YJU2B: variants seen among roughly 807,000 people sequenced by gnomAD.
YJU2B encodes YJU2 splicing factor homolog B.
Under a neutral mutation model 38.0 loss-of-function variants are expected in YJU2B, and 18 were observed. That is an observed-to-expected ratio of 0.47 (90% CI 0.33 to 0.70). The LOEUF (loss-of-function observed/expected upper bound fraction) is 0.70, where lower values mean the gene tolerates loss of function less well. Among genes scored for constraint, YJU2B ranks in the 30% least tolerant of loss-of-function variants. YJU2B has a pLI of 0.02. For synonymous variants in YJU2B, 246 were observed against 225.4 expected, an observed-to-expected ratio of 1.09 and a Z score of -0.82; for missense variants, 538 against 556.3, an observed-to-expected ratio of 0.97 and a Z score of 0.33.
chr19:13,761,016 A>C (rs404195), intron 8 of YJU2B, among the ~76,000 whole-genome samples: 1 of 151,594 alleles, frequency 6.6e-6, no homozygotes, highest in Non-Finnish European at 1.5e-5. Context: ...TGATCCACCC[A>C]CCTCAACCTC....
At chr19:13,760,792 G>C (rs145000128) in intron 8 of YJU2B, among the ~76,000 whole-genome samples, 1 of 151,962 alleles carries the variant, frequency 6.6e-6, no homozygotes, top group East Asian at 2.0e-4. Flanking sequence ...TTTTTGCTTA[G>C]ACTGAGTCTC....
chr19:13,757,565 C>A, intron 5 of YJU2B, 92 bp downstream of exon 5: 1 of 1,250,320 alleles, frequency 8.0e-7, no homozygotes, highest in Non-Finnish European at 1.2e-6. Context: ...GGGTCCTGAT[C>A]AGGAATGAGG....
At chr19:13,755,814 C>T (rs373488257) in intron 3 of YJU2B, among the ~76,000 whole-genome samples, 3 of 151,736 alleles carry the variant, frequency 2.0e-5, no homozygotes, top group Admixed American at 1.3e-4. Context: ...AAAAAATAGC[C>T]GGGCGTGGTG....
At chr19:13,743,593 AAAAG>A (rs1202639301), upstream of YJU2B, among the ~76,000 whole-genome samples, 1 of 143,316 alleles carries the variant, frequency 7.0e-6, no homozygotes, top group Non-Finnish European at 1.5e-5. Flanking sequence ...AAAAAAAAGA[AAAAG>A]AAAAAAATAG....
intron 2 of YJU2B, among the ~76,000 whole-genome samples, chr19:13,739,781 C>A (rs1324099944): frequency 6.6e-6 from 1 of 152,086 alleles, no homozygotes; most frequent in Non-Finnish European, 1.5e-5. Flanking sequence ...GCAGAACGTG[C>A]AGGTTTGTTA....
intron 8 of YJU2B, chr19:13,759,529 C>G (rs546078000): frequency 5.4e-6 from 2 of 371,620 alleles, no homozygotes; most frequent in African/African-American, 4.2e-5. Flanking sequence ...TTGGGAGGAT[C>G]GCTTGAGGCC....
At chr19:13,739,074 A>C (rs1973028953) in intron 2 of YJU2B, among the ~76,000 whole-genome samples, 2 of 152,044 alleles carry the variant, frequency 1.3e-5, no homozygotes, top group Admixed American at 6.6e-5. Flanking sequence ...TAAATAAATA[A>C]ATAAACAAAC....
intron 2 of YJU2B, among the ~76,000 whole-genome samples, chr19:13,752,634 C>T (rs1021157303): frequency 6.6e-6 from 1 of 152,106 alleles, no homozygotes; most frequent in Non-Finnish European, 1.5e-5. Flanking sequence ...GTCCCAGCCA[C>T]TCTGGAGGGT....
intron 5 of YJU2B, 114 bp downstream of exon 5, chr19:13,757,587 C>A: frequency 2.6e-6 from 3 of 1,136,330 alleles, no homozygotes; most frequent in South Asian, 1.3e-5. Context: ...AGGAGACGGG[C>A]ACCCGAGTGA....
chr19:13,757,272 G>T (rs1382782851), intron 4 of YJU2B, 146 bp from the exon 5 acceptor site: 7 of 633,032 alleles, frequency 1.1e-5, no homozygotes, highest in Non-Finnish European at 1.7e-5. Context: ...TCCATTTCCT[G>T]TGTAATGTGA....
At chr19:13,733,498 G>C (rs1375891832) in intron 2 of YJU2B, among the ~76,000 whole-genome samples, 1 of 152,090 alleles carries the variant, frequency 6.6e-6, no homozygotes, top group African/African-American at 2.4e-5. Flanking sequence ...GAGGTGGGTA[G>C]ATCACCTGAG....
At chr19:13,744,456 A>G (rs1209261158), upstream of YJU2B, among the ~76,000 whole-genome samples, 3 of 152,232 alleles carry the variant, frequency 2.0e-5, no homozygotes, top group African/African-American at 7.2e-5. Flanking sequence ...AGGGAAACCA[A>G]ACATCTCTGG....
chr19:13,757,022 T>C (rs1973691999), intron 4 of YJU2B, among the ~76,000 whole-genome samples: 1 of 150,516 alleles, frequency 6.6e-6, no homozygotes. Flanking sequence ...ACACCTATAA[T>C]CCCAGCTACT....
At chr19:13,760,424 A>C (rs1323243502) in intron 8 of YJU2B, among the ~76,000 whole-genome samples, 1 of 152,094 alleles carries the variant, frequency 6.6e-6, no homozygotes, top group African/African-American at 2.4e-5. Context: ...GTGAGGACGT[A>C]GCCCTTCTGA....
At chr19:13,745,722 G>T (rs866609844), upstream of YJU2B, among the ~76,000 whole-genome samples, 113 of 89,666 alleles carry the variant, frequency 1.3e-3, no homozygotes, top group African/African-American at 5.0e-3. Context: ...TAGATCTATA[G>T]ATATCTATAT....
intron 2 of YJU2B, among the ~76,000 whole-genome samples, chr19:13,752,861 C>G (rs1973522281): frequency 6.7e-6 from 1 of 150,032 alleles, no homozygotes; most frequent in Non-Finnish European, 1.5e-5. Flanking sequence ...TGCAGTGAGC[C>G]AAGATTGCAC....
chr19:13,744,378 T>C (rs1463988659), upstream of YJU2B, among the ~76,000 whole-genome samples: 1 of 152,182 alleles, frequency 6.6e-6, no homozygotes, highest in Admixed American at 6.6e-5. Flanking sequence ...TTCCCCCTTA[T>C]CTGGGGTTTC....
chr19:13,745,159 G>C (rs928439723), upstream of YJU2B, among the ~76,000 whole-genome samples: 27 of 152,144 alleles, frequency 1.8e-4, no homozygotes, highest in Non-Finnish European at 3.2e-4. Context: ...CTCTGGGCCT[G>C]TCTCACCATC....
rs1292624401 is a variant in YJU2B at position 13,754,324 on chromosome 19, A to G, written c.39A>G (p.Pro13=). 2.5e-6 allele frequency: 4 copies of G among 1,613,744 alleles called. No homozygotes were observed. In the Admixed American group the frequency reaches 5.0e-5, roughly 20 times the overall value. Residue 13 remains proline, a synonymous_variant, in exon 3 of 10, where the codon CCA becomes CCG. Transcript: ENST00000221554. ...ERKGVNKYYP[P]DFNPEKHGSL... The stretch of plus-strand genomic sequence containing the variant: ...AAGGGGTCAACAAGTACTATCCTCC[A>G]GACTTCAACCCTGAGAAGGTAAGCA...
Sources: allele counts gnomAD v4.1 joint callset (sites outside exome capture counted in the v4.1 genomes callset), GRCh38; gene constraint gnomAD v4.1.1; transcripts MANE v1.5; gene names NCBI Gene and HGNC (gene_info 2026-07-23, HGNC 2026-07-21).